The following RGS7 variants were observed in gnomAD, a reference collection of about 807,000 sequenced individuals.
RGS7 encodes the protein regulator of G-protein signaling 7.
RGS7 carries 27 observed loss-of-function variants against 81.1 expected under a neutral mutation model. The observed-to-expected ratio is 0.33, with a 90% CI of 0.25 to 0.46. RGS7 has a LOEUF of 0.46. Ranked by LOEUF, RGS7 falls within the 20% of genes least tolerant of loss-of-function variation. The probability of loss-of-function intolerance (pLI) is 1.00; values close to 1 mark genes in which losing one functional copy is unlikely to be tolerated. For missense variants in RGS7, 396 were observed against 607.4 expected, an observed-to-expected ratio of 0.65 and a Z score of 3.66; for synonymous variants, 208 against 207.7, an observed-to-expected ratio of 1.00 and a Z score of -0.01.
In RGS7 at chr1:240,988,010, A is replaced by G. The variant is rs371439449; in HGVS notation, c.176-4881T>C. 5.3e-5 allele frequency among the ~76,000 whole-genome samples: 8 copies of G among 152,138 alleles called. No homozygotes were observed. The South Asian group carries it at 8.3e-4, about 16-fold the overall frequency. On this transcript the variant is annotated intron_variant, in intron 3 of 18. Coordinates refer to ENST00000440928, the MANE Select transcript of RGS7 (RefSeq NM_001364886.1). ...TGGCTGAGGATCTGCACTTTAAGGA[A>G]CAAGAAAGAAAGAATGTCTAGCGAA...
chr1:241,208,548 A>G (rs2074060885), intron 2 of RGS7, among the ~76,000 whole-genome samples: 1 of 152,096 alleles, frequency 6.6e-6, no homozygotes, highest in Non-Finnish European at 1.5e-5. Context: ...TTTAATCCTC[A>G]GCCCTTCCCA....
chr1:241,327,370 A>T (rs995053489), intron 2 of RGS7, among the ~76,000 whole-genome samples: 1 of 152,176 alleles, frequency 6.6e-6, no homozygotes, highest in African/African-American at 2.4e-5. Flanking sequence ...TTCATATTGC[A>T]ATGATGAAGG....
At chr1:241,184,166 A>G (rs2103328344) in intron 2 of RGS7, among the ~76,000 whole-genome samples, 1 of 152,332 alleles carries the variant, frequency 6.6e-6, no homozygotes, top group Middle Eastern at 3.4e-3. Context: ...GCACTCAGTG[A>G]TAATAAACAT....
At chr1:240,866,935 G>A (rs1663412243) in intron 9 of RGS7, among the ~76,000 whole-genome samples, 1 of 152,172 alleles carries the variant, frequency 6.6e-6, no homozygotes, top group Non-Finnish European at 1.5e-5. Flanking sequence ...CTAGAGATGA[G>A]CCACCAGATG....
intron 2 of RGS7, among the ~76,000 whole-genome samples, chr1:241,242,006 A>C (rs2148144579): frequency 6.6e-6 from 1 of 151,508 alleles, no homozygotes; most frequent in African/African-American, 2.4e-5. Flanking sequence ...TGGTTACATG[A>C]GTAAGTTCTT....
intron 14 of RGS7, among the ~76,000 whole-genome samples, chr1:240,808,913 G>C (rs3927744): frequency 0.71 from 107,545 of 151,378 alleles, 38,700 homozygotes; most frequent in Non-Finnish European, 0.78. Context: ...CTTTATATAG[G>C]TGGAAGCTAA....
intron 9 of RGS7, among the ~76,000 whole-genome samples, chr1:240,845,036 A>C (rs1658817503): frequency 6.6e-6 from 1 of 152,192 alleles, no homozygotes; most frequent in Non-Finnish European, 1.5e-5. Context: ...ATTAGGGAAA[A>C]TATTAGGGTT....
At chr1:240,838,816 G>C (rs1695125605) in intron 9 of RGS7, among the ~76,000 whole-genome samples, 1 of 151,712 alleles carries the variant, frequency 6.6e-6, no homozygotes, top group African/African-American at 2.4e-5. Context: ...GCCCAGGCTG[G>C]AGTGCAGTGG....
intron 2 of RGS7, among the ~76,000 whole-genome samples, chr1:241,150,723 G>T (rs1558131433): frequency 6.6e-6 from 1 of 152,216 alleles, no homozygotes; most frequent in Non-Finnish European, 1.5e-5. Flanking sequence ...AGATAGATGT[G>T]AGGGAATTTA....
chr1:241,282,175 A>C, intron 2 of RGS7, among the ~76,000 whole-genome samples: 1 of 152,288 alleles, frequency 6.6e-6, no homozygotes, highest in South Asian at 2.1e-4. Flanking sequence ...CCCAGTGCCC[A>C]GTGTCTATCA....
chr1:241,177,808 T>A (rs1303436691), intron 2 of RGS7, among the ~76,000 whole-genome samples: 1 of 152,160 alleles, frequency 6.6e-6, no homozygotes. Context: ...TTAAAGATAA[T>A]TACTAGGTCT....
chr1:241,232,206 C>CTCTT (rs1487813521), intron 2 of RGS7, among the ~76,000 whole-genome samples: 3 of 151,786 alleles, frequency 2.0e-5, no homozygotes, highest in African/African-American at 7.3e-5. Context: ...CTCTCTCTCT[C>CTCTT]TCTCTTTCTC....
intron 9 of RGS7, among the ~76,000 whole-genome samples, chr1:240,844,916 G>C (rs774890509): frequency 6.6e-6 from 1 of 152,180 alleles, no homozygotes; most frequent in Non-Finnish European, 1.5e-5. Context: ...AGAACAAAAA[G>C]CTTGCACAGT....
Position 240,989,250 on chromosome 1 carries a change from C to T in RGS7, c.176-6121G>A, listed in dbSNP as rs1686108383. 3.3e-5 allele frequency among the ~76,000 whole-genome samples: 5 copies of T among 150,582 alleles called. No individual in the cohort carries two copies. The South Asian group carries it at 8.4e-4, about 25-fold the overall frequency. On this transcript the variant is annotated intron_variant, in intron 3 of 18. Coordinates refer to ENST00000440928, the MANE Select transcript of RGS7 (RefSeq NM_001364886.1). ...GTCAGGAGATGGAGACCATCCTGGC[C>T]AACATGGTGACACCCTGTCTCTACT...
At chr1:240,801,319 G>A (rs1687991080) in intron 17 of RGS7, 136 bp downstream of exon 17, 2 of 688,816 alleles carry the variant, frequency 2.9e-6, no homozygotes, top group South Asian at 1.6e-5. Flanking sequence ...AAAACATGAA[G>A]TTCTGAATTT....
intron 9 of RGS7, among the ~76,000 whole-genome samples, chr1:240,836,319 T>A (rs1184915925): frequency 6.6e-6 from 1 of 152,032 alleles, no homozygotes; most frequent in Non-Finnish European, 1.5e-5. Flanking sequence ...TGAGAGTGGA[T>A]TATCAGGGTG....
chr1:241,289,265 G>C (rs2078974233), intron 2 of RGS7, among the ~76,000 whole-genome samples: 1 of 152,124 alleles, frequency 6.6e-6, no homozygotes, highest in African/African-American at 2.4e-5. Flanking sequence ...CAAACTATTT[G>C]TAGGTCCCTA....
chr1:240,953,354 ATC>A (rs1386010302), intron 4 of RGS7, among the ~76,000 whole-genome samples: 1 of 151,934 alleles, frequency 6.6e-6, no homozygotes, highest in African/African-American at 2.4e-5. Context: ...CATAAAATAG[ATC>A]TTAAATCTAA....
At position 241,000,733 on chromosome 1, in the gene RGS7, T is replaced by G. The variant is rs189166388; in HGVS notation, c.176-17604A>C. Among the ~76,000 whole-genome samples, 240 of 151,978 alleles carry G rather than the reference T, an allele frequency of 1.6e-3. 1 individual carries two copies. The highest frequency in any genetic ancestry group is 5.5e-3 in the African/African-American group (227 of 41,414). The stretch of plus-strand genomic sequence containing the variant: ...GCAATCTCAGCTCACTGCAAACCTC[T>G]GCCTCCTGGGTTTAAGTGATTCTCA... On this transcript the variant is annotated intron_variant, in intron 3 of 18. Coordinates refer to ENST00000440928, the MANE Select transcript of RGS7 (RefSeq NM_001364886.1).
Sources: gnomAD v4.1 joint callset for allele counts (sites outside exome capture counted in the v4.1 genomes callset) on GRCh38, gnomAD v4.1.1 for gene constraint, MANE v1.5 for transcripts, NCBI Gene and HGNC (gene_info 2026-07-23, HGNC 2026-07-21) for gene names.